The following USP28 variants were observed in gnomAD, a reference collection of about 807,000 sequenced individuals.
USP28 encodes ubiquitin carboxyl-terminal hydrolase 28.
Under a neutral mutation model 145.0 loss-of-function variants are expected in USP28, and 113 were observed. The ratio of observed to expected loss-of-function variants is 0.78; its 90% CI spans 0.67 to 0.91. The LOEUF (loss-of-function observed/expected upper bound fraction) is 0.91. USP28 is among the 40% of genes least tolerant of loss of function. The pLI is 0.00. For missense variants in USP28, 1,201 were observed against 1,289.6 expected, an observed-to-expected ratio of 0.93 and a Z score of 1.05; for synonymous variants, 447 against 450.9, an observed-to-expected ratio of 0.99 and a Z score of 0.11.
rs1946593077 is a variant in USP28, at chr11:113,852,581, ACT to A, written c.186_187del (p.Arg62SerfsTer2). On this transcript the variant is annotated frameshift_variant, in exon 3 of 25. Coordinates refer to ENST00000003302, the Ensembl canonical transcript of USP28. LOFTEE classifies it high-confidence loss of function. ...AACAGTGTCTTGACTGGGCTCCTTA[ACT>A]CTCTCATCAGTGAGAAGGCTGACTG... 2 of 1,613,910 alleles carry A rather than the reference ACT, an allele frequency of 1.2e-6. No homozygotes were observed. The highest frequency in any genetic ancestry group is 1.7e-6 in the Non-Finnish European group (2 of 1,180,012).
chr11:113,827,210 A>C (rs769146683), intron 11 of USP28, 23 bp downstream of exon 11: 1 of 1,589,136 alleles, frequency 6.3e-7, no homozygotes, highest in Admixed American at 1.9e-5. Context: ...CTCAGGAAAA[A>C]AAAAAATCAG....
intron 2 of USP28, among the ~76,000 whole-genome samples, chr11:113,853,333 C>A (rs549648994): frequency 6.8e-6 from 1 of 146,544 alleles, no homozygotes. Flanking sequence ...AAAAAAGCCA[C>A]GCAGTTACCT....
chr11:113,840,722 G>A, exon 5 of USP28: 1 of 1,614,170 alleles, frequency 6.2e-7, no homozygotes. Context: ...TTTTCTCTTT[G>A]AGCGTTTAGT....
chr11:113,866,250 C>A (rs111533336), intron 1 of USP28, among the ~76,000 whole-genome samples: 2 of 152,140 alleles, frequency 1.3e-5, no homozygotes, highest in Non-Finnish European at 2.9e-5. Context: ...CGAGATCAGA[C>A]CACTGCACTC....
intron 2 of USP28, among the ~76,000 whole-genome samples, chr11:113,853,164 G>A (rs192925149): frequency 1.8e-4 from 27 of 151,882 alleles, no homozygotes; most frequent in African/African-American, 5.3e-4. Flanking sequence ...CTAGCCAGGC[G>A]TGAGTCCCAG....
rs17115997 is a variant in USP28 at position 113,801,625 on chromosome 11, T to A, written c.2916A>T (p.Val972=). 2.0e-3 allele frequency: 3,184 copies of A among 1,594,978 alleles called. 68 individuals are homozygous for A. The African/African-American group carries it at 0.039, about 19-fold the overall frequency. ...CATTCATCACATTAATGCCCTCAGT[T>A]ACGGAGTGATCATCATTTGTTTCAA... Residue 972 remains valine (V), a synonymous_variant, in exon 24 of 25, where the codon GTA becomes GTT. Transcript: ENST00000003302.
chr11:113,806,453 A>G (rs780220026), intron 19 of USP28, 36 bp downstream of exon 20: 2 of 1,538,140 alleles, frequency 1.3e-6, no homozygotes, highest in East Asian at 2.3e-5. Context: ...TATGATGCCT[A>G]TATTGTAAGA....
intron 1 of USP28, among the ~76,000 whole-genome samples, chr11:113,860,875 T>C (rs867428338): frequency 2.6e-5 from 4 of 151,178 alleles, no homozygotes; most frequent in Non-Finnish European, 5.9e-5. Context: ...TCCCAGCACT[T>C]TGGGAGGCCG....
At chr11:113,871,501 G>T (rs755315556) in intron 1 of USP28, among the ~76,000 whole-genome samples, 1 of 152,076 alleles carries the variant, frequency 6.6e-6, no homozygotes, top group African/African-American at 2.4e-5. Flanking sequence ...CGGCTTCTAC[G>T]CACTACATTC....
At chr11:113,836,920 C>A (rs933057699) in intron 5 of USP28, among the ~76,000 whole-genome samples, 1 of 152,170 alleles carries the variant, frequency 6.6e-6, no homozygotes, top group Non-Finnish European at 1.5e-5. Flanking sequence ...CACACCAAGC[C>A]CATTCCCACC....
intron 11 of USP28, among the ~76,000 whole-genome samples, chr11:113,825,336 G>A (rs914528025): frequency 6.6e-6 from 1 of 152,120 alleles, no homozygotes; most frequent in African/African-American, 2.4e-5. Context: ...GCTAAAATTA[G>A]AAACACTTAT....
At chr11:113,829,329 G>A (rs1943720144) in exon 10 of USP28, 1 of 1,614,108 alleles carries the variant, frequency 6.2e-7, no homozygotes, top group Non-Finnish European at 8.5e-7. Context: ...AGGTCTCATT[G>A]TTACAAAAGG....
At chr11:113,806,330 G>C (rs930535815) in intron 19 of USP28, among the ~76,000 whole-genome samples, 159 bp downstream of exon 20, 62 of 152,058 alleles carry the variant, frequency 4.1e-4, no homozygotes, top group Admixed American at 4.1e-3. Flanking sequence ...CAACTCCTGA[G>C]CTCAAGTGAG....
chr11:113,852,634 C>T lies in USP28; in HGVS notation c.136-1G>A, dbSNP rs1469319788. The T allele has an allele frequency of 1.2e-6, 2 of 1,613,086 alleles. No individual in the cohort carries two copies. Among genetic ancestry groups the T allele is most frequent in the Non-Finnish European group, 1.7e-6 (2 of 1,179,812 alleles). On this transcript the variant is annotated splice_acceptor_variant, in intron 2 of 24. Transcript: ENST00000003302. LOFTEE classifies it high-confidence loss of function. ...CCTGAGTAATGTCACCATTACTGGC[C>T]TATGGGAGAAAAAGACAATAGAAAT...
intron 5 of USP28, among the ~76,000 whole-genome samples, chr11:113,838,316 T>C (rs1944810597): frequency 6.6e-6 from 1 of 152,212 alleles, no homozygotes; most frequent in Non-Finnish European, 1.5e-5. Context: ...TATGTTCTAT[T>C]CTCAACACAG....
At chr11:113,855,315 A>T (rs1946927904) in intron 1 of USP28, among the ~76,000 whole-genome samples, 2 of 152,188 alleles carry the variant, frequency 1.3e-5, no homozygotes, top group Non-Finnish European at 2.9e-5. Context: ...ACACAAAGAC[A>T]ATACAAAACA....
At chr11:113,830,993 T>C in intron 8 of USP28, 50 bp from the exon 9 acceptor site, 1 of 1,592,330 alleles carries the variant, frequency 6.3e-7, no homozygotes, top group Non-Finnish European at 8.6e-7. Context: ...TTAAGATATG[T>C]GCTACATAAA....
intron 1 of USP28, chr11:113,874,475 C>T (rs527981713): frequency 2.7e-5 from 30 of 1,112,118 alleles, no homozygotes; most frequent in Non-Finnish European, 2.8e-5. Flanking sequence ...ATACTACTGG[C>T]CTTCCAGACA....
chr11:113,812,593 G>T, intron 15 of USP28, 89 bp from the exon 16 acceptor site: 1 of 1,135,416 alleles, frequency 8.8e-7, no homozygotes, highest in Non-Finnish European at 1.3e-6. Flanking sequence ...TTTATGATGT[G>T]ATTAATGTGG....
Sources: allele counts gnomAD v4.1 joint callset (sites outside exome capture counted in the v4.1 genomes callset), GRCh38; gene constraint gnomAD v4.1.1; transcripts MANE v1.5; gene names NCBI Gene and HGNC (gene_info 2026-07-23, HGNC 2026-07-21).